The following PLD5 variants were observed in gnomAD, a reference collection of about 807,000 sequenced individuals.
PLD5 encodes the protein phospholipase D family member 5, also known as inactive phospholipase D5.
In PLD5, 36 loss-of-function variants were observed where a neutral mutation model predicts 61.1. The ratio of observed to expected loss-of-function variants is 0.59; its 90% CI spans 0.45 to 0.78. PLD5 has a LOEUF of 0.78. PLD5 is among the 30% of genes least tolerant of loss of function. The pLI is 0.00. For missense variants in PLD5, 515 were observed against 644.4 expected (o/e 0.80, Z 2.17); for synonymous variants, 243 against 242.8 (o/e 1.00, Z -0.01).
At chr1:242,289,297 G>C (rs1423295009) in intron 2 of PLD5, among the ~76,000 whole-genome samples, 5 of 152,074 alleles carry the variant, frequency 3.3e-5, no homozygotes, top group African/African-American at 9.7e-5. Context: ...CTGAACAAAG[G>C]AATGAGCTAT....
intron 4 of PLD5, among the ~76,000 whole-genome samples, chr1:242,222,639 C>A (rs1322974060): frequency 6.6e-6 from 1 of 152,202 alleles, no homozygotes; most frequent in Non-Finnish European, 1.5e-5. Flanking sequence ...TCACACAGGT[C>A]CCCTGCAGCC....
chr1:242,342,521 T>G (rs755725069), intron 2 of PLD5, among the ~76,000 whole-genome samples: 1 of 152,146 alleles, frequency 6.6e-6, no homozygotes, highest in Non-Finnish European at 1.5e-5. Flanking sequence ...AATTGCAAAA[T>G]AGCCAAGTCA....
rs547910837 is a variant in PLD5, at chr1:242,449,370, C to G, written c.189+74718G>C. ...GTTTCTTACCATTGCGACCAATCTT[C>G]CTTCCCTCCCTGCGGAGTCCAGCAG... On this transcript the variant is annotated intron_variant, in intron 1 of 9. Transcript: ENST00000536534. The G allele has an allele frequency of 3.5e-5, 53 of 1,536,140 alleles. No individual in the cohort carries two copies. In the South Asian group the frequency reaches 5.8e-4, roughly 17 times the overall value.
chr1:242,365,784 A>G (rs1040071549), intron 1 of PLD5: 1 of 204,924 alleles, frequency 4.9e-6, no homozygotes, highest in South Asian at 9.4e-5. Flanking sequence ...TCTAGGCTTT[A>G]TATATCAAGC....
At chr1:242,433,131 A>G (rs1665807881) in intron 1 of PLD5, among the ~76,000 whole-genome samples, 1 of 152,182 alleles carries the variant, frequency 6.6e-6, no homozygotes, top group Non-Finnish European at 1.5e-5. Flanking sequence ...GGAATGGGGC[A>G]ATACATTCTG....
chr1:242,207,435 C>T (rs1455489580), intron 5 of PLD5, among the ~76,000 whole-genome samples: 2 of 152,076 alleles, frequency 1.3e-5, no homozygotes, highest in Non-Finnish European at 2.9e-5. Context: ...TGGGCATCTG[C>T]ATTGGTCCCA....
chr1:242,247,993 C>T (rs919169646), intron 4 of PLD5, among the ~76,000 whole-genome samples: 1 of 152,184 alleles, frequency 6.6e-6, no homozygotes. Flanking sequence ...TCCAATGGCA[C>T]AAATCACACC....
chr1:242,320,451 A>G (rs201938102), intron 2 of PLD5, among the ~76,000 whole-genome samples: 2 of 152,120 alleles, frequency 1.3e-5, no homozygotes, highest in Admixed American at 6.5e-5. Flanking sequence ...TGAAGGACAC[A>G]CTCTGCTTTC....
At position 242,378,214 on chromosome 1, in the gene PLD5, C is replaced by T. The variant is rs1446081219; in HGVS notation, c.190-29972G>A. 3.9e-5 allele frequency among the ~76,000 whole-genome samples: 6 copies of T among 152,152 alleles called. No homozygotes were observed. In the South Asian group the frequency reaches 1.2e-3, roughly 32 times the overall value. The stretch of plus-strand genomic sequence containing the variant: ...AAGGAAATTCTAACACATGCCACAA[C>T]GAGTGAACCTTGAAAACATTACGCT... On this transcript the variant is annotated intron_variant, in intron 1 of 9. Transcript: ENST00000536534.
intron 5 of PLD5, among the ~76,000 whole-genome samples, chr1:242,202,727 G>A (rs1347128375): frequency 6.6e-6 from 1 of 152,074 alleles, no homozygotes; most frequent in Non-Finnish European, 1.5e-5. Flanking sequence ...ACTCTACTTT[G>A]TGCATTCATG....
chr1:242,392,510 G>A (rs1335273797), intron 1 of PLD5, among the ~76,000 whole-genome samples: 1 of 152,192 alleles, frequency 6.6e-6, no homozygotes, highest in African/African-American at 2.4e-5. Flanking sequence ...ACCTGGGTTA[G>A]AAGCAGCATT....
chr1:242,482,060 T>C (rs539108183), intron 1 of PLD5, among the ~76,000 whole-genome samples: 113 of 152,218 alleles, frequency 7.4e-4, no homozygotes, highest in Admixed American at 1.8e-3. Context: ...CCCATCTGTA[T>C]GTCACCATCA....
At chr1:242,176,927 A>T (rs1667185968) in intron 5 of PLD5, among the ~76,000 whole-genome samples, 1 of 152,234 alleles carries the variant, frequency 6.6e-6, no homozygotes, top group African/African-American at 2.4e-5. Context: ...AGGAAACAAC[A>T]GATGCTGGAG....
intron 4 of PLD5, among the ~76,000 whole-genome samples, chr1:242,252,705 T>C (rs569965966): frequency 6.4e-4 from 97 of 152,078 alleles, no homozygotes; most frequent in African/African-American, 2.3e-3. Context: ...CTGAAAAAAA[T>C]AGAAAAGCTA....
At position 242,288,523 on chromosome 1, in the gene PLD5, G is replaced by C. The variant is rs1385521867; in HGVS notation, c.334C>G (p.Leu112Val). The change falls in exon 3 of 10, where the codon CTG becomes GTG. Residue 112 changes from leucine (L) to valine (V), a missense_variant. Physicochemically the swap from Leu to Val is conservative, Grantham distance 32 (BLOSUM62 1). Transcript: ENST00000536534. The part of the protein sequence containing the change: ...KNCQNKCRIA[L>V]VENIPEGLNY... ...AGGCCTTCAGGAATATTTTCCACCA[G>C]GGCAATTCTTAGAAAAGATTTTGAA... is the stretch of plus-strand genomic sequence containing the variant. 15 of 1,585,112 alleles carry C rather than the reference G, an allele frequency of 9.5e-6. No homozygotes were observed. The highest frequency in any genetic ancestry group is 6.7e-5 in the East Asian group (3 of 44,552).
rs933791985 is a variant in PLD5, at chr1:242,256,399, C to T, written c.607+8938G>A. Reference sequence around the variant, plus strand: ...ATTTGAATGTCCCTCAAGAATCATTCGTTTAAACGTAATTCCCACTGTGGC... The same window carrying T: ...ATTTGAATGTCCCTCAAGAATCATTTGTTTAAACGTAATTCCCACTGTGGC... On this transcript the variant is annotated intron_variant, in intron 4 of 9. Coordinates refer to ENST00000536534, the MANE Select transcript of PLD5 (RefSeq NM_001372062.1). This position sits in a 1 kb window ranked among gnomAD's most constrained non-coding sequence, Gnocchi z 5.7. Among the ~76,000 whole-genome samples the T allele has an allele frequency of 3.9e-5, 6 of 152,192 alleles. No individual in the cohort carries two copies. The highest frequency in any genetic ancestry group is 8.8e-5 in the Non-Finnish European group (6 of 68,030).
chr1:242,157,618 T>C (rs1353245533), intron 5 of PLD5, among the ~76,000 whole-genome samples: 1 of 152,192 alleles, frequency 6.6e-6, no homozygotes, highest in Admixed American at 6.5e-5. Context: ...TGGAGTTTGC[T>C]GGAGGTCCAC....
At chr1:242,276,313 G>A (rs1294031823) in intron 3 of PLD5, among the ~76,000 whole-genome samples, 2 of 148,838 alleles carry the variant, frequency 1.3e-5, no homozygotes, top group Non-Finnish European at 3.0e-5. Context: ...GCCCAGCCTG[G>A]GCAACAAAGC....
chr1:242,461,686 G>A (rs182370607), intron 1 of PLD5, among the ~76,000 whole-genome samples: 1 of 152,272 alleles, frequency 6.6e-6, no homozygotes, highest in East Asian at 1.9e-4. Context: ...CACGGTGGCT[G>A]AACTAACTTA....
Sources: allele counts gnomAD v4.1 joint callset (sites outside exome capture counted in the v4.1 genomes callset), GRCh38; gene constraint gnomAD v4.1.1; non-coding constraint Gnocchi (gnomAD v3.1); transcripts MANE v1.5; gene names NCBI Gene and HGNC (gene_info 2026-07-23, HGNC 2026-07-21).